Variants in HNRNPUL2 observed in about 807,000 individuals in gnomAD.
HNRNPUL2 encodes the protein heterogeneous nuclear ribonucleoprotein U like 2.
In HNRNPUL2, 27 loss-of-function variants were observed where a neutral mutation model predicts 102.2. The observed-to-expected ratio is 0.26, with a 90% CI of 0.19 to 0.36. The LOEUF (loss-of-function observed/expected upper bound fraction) is 0.36. Among genes scored for constraint, HNRNPUL2 ranks in the 10% least tolerant of loss-of-function variants. HNRNPUL2 has a pLI of 1.00. For synonymous variants in HNRNPUL2, 458 were observed against 387.2 expected, an observed-to-expected ratio of 1.18 and a Z score of -2.15; for missense variants, 936 against 981.1, an observed-to-expected ratio of 0.95 and a Z score of 0.61.
In HNRNPUL2 at chr11:62,726,725, G is replaced by A. The variant is rs2083752389; in HGVS notation, c.432C>T (p.Gly144=). The A allele has an allele frequency of 1.0e-5, 16 of 1,600,848 alleles. No individual in the cohort carries two copies. The highest frequency in any genetic ancestry group is 1.3e-5 in the Non-Finnish European group (15 of 1,179,644). ...ATAGSGGVNG[G]EEQGLGKREE... ...CCCTCTTGCCGAGGCCCTGCTCTTC[G>A]CCACCATTTACCCCGCCTGACCCGG... Residue 144 remains glycine (G), a synonymous_variant, in exon 1 of 14, where the codon GGC becomes GGT. Coordinates refer to ENST00000301785, the MANE Select transcript of HNRNPUL2 (RefSeq NM_001079559.3).
Position 62,723,623 on chromosome 11 carries a change from G to C in HNRNPUL2, c.855C>G (p.Tyr285Ter). 1 of 1,613,580 alleles carries C rather than the reference G, an allele frequency of 6.2e-7. No homozygotes were observed. The highest frequency in any genetic ancestry group is 8.5e-7 in the Non-Finnish European group (1 of 1,179,716). Residue 285 changes from tyrosine (Y) to a stop codon, truncating the protein, a stop_gained, in exon 4 of 14, where the codon TAC becomes TAG. Coordinates refer to ENST00000301785, the MANE Select transcript of HNRNPUL2 (RefSeq NM_001079559.3). LOFTEE classifies it high-confidence loss of function. ...PTLWSGARST[Y>*]GVTKGKVCFE... Reference sequence around the variant, plus strand: ...AGCAGACTTTTCCCTTTGTCACTCCGTAAGTACTCCTTGCCCCAGACCAAA... The same window carrying C: ...AGCAGACTTTTCCCTTTGTCACTCCCTAAGTACTCCTTGCCCCAGACCAAA...
In HNRNPUL2 at chr11:62,715,361, G is replaced by A. The variant is rs773998284; in HGVS notation, c.2182C>T (p.His728Tyr). 1.2e-6 allele frequency: 2 copies of A among 1,613,076 alleles called. No homozygotes were observed. The highest frequency in any genetic ancestry group is 3.3e-5 in the Admixed American group (2 of 59,892). ...TATCGGTCTCTGTCCTGGGGGTGGTGGTAGTAGTAACTCTGCCACTAGAAG... is the reference window on the plus strand; with the variant it reads ...TATCGGTCTCTGTCCTGGGGGTGGTAGTAGTAGTAACTCTGCCACTAGAAG... ...YNRDWQSYYY[H>Y]HPQDRDRYYR... Residue 728 changes from histidine to tyrosine, a missense_variant, in exon 14 of 14, where the codon CAC becomes TAC. By Grantham distance (83) the His-to-Tyr change is moderately conservative (BLOSUM62 2). This residue lies in a region of HNRNPUL2 where 609 missense variants were observed against 713.0 expected (regional missense o/e 0.85). Transcript: ENST00000301785.
At chr11:62,717,701 C>T (rs1192981489) in intron 10 of HNRNPUL2, among the ~76,000 whole-genome samples, 3 of 152,102 alleles carry the variant, frequency 2.0e-5, no homozygotes, top group Non-Finnish European at 2.9e-5. Flanking sequence ...ACTAAAAATA[C>T]AACAATTAGC....
In HNRNPUL2 at chr11:62,722,826, G is replaced by C. The variant is rs1270105510; in HGVS notation, c.969C>G (p.Ser323=). ...AAATAACTTTACCAAGCTGTGGACG[G>C]GAAAAATCAACAGACCACCCAACTC... The part of the protein sequence containing the change: ...LLRVGWSVDF[S]RPQLGEDEFS... The change falls in exon 5 of 14, where the codon TCC becomes TCG. Residue 323 remains serine, a synonymous_variant. Coordinates refer to ENST00000301785, the MANE Select transcript of HNRNPUL2 (RefSeq NM_001079559.3). 6.2e-7 allele frequency: 1 copy of C among 1,613,990 alleles called. No homozygotes were observed. The highest frequency in any genetic ancestry group is 1.1e-5 in the South Asian group (1 of 91,084).
At position 62,727,204 on chromosome 11, in the gene HNRNPUL2, C is replaced by A; in HGVS notation, c.-48G>T. 2 of 1,359,208 alleles carry A rather than the reference C, an allele frequency of 1.5e-6. No individual in the cohort carries two copies. The highest frequency in any genetic ancestry group is 1.9e-6 in the Non-Finnish European group (2 of 1,057,610). The allele number at this position is 1,359,208 out of a possible 1,614,324, so 84.2% of individuals were successfully genotyped here. On this transcript the variant is annotated 5_prime_UTR_variant, in exon 1 of 14. Transcript: ENST00000301785. ...TCCCGCCGCCTCCTCCCCTGCGAAC[C>A]GTCGACCGAGTCCGACCGCGCAGGC...
chr11:62,727,252 G>C lies in HNRNPUL2; in HGVS notation c.-96C>G. 7.7e-7 allele frequency: 1 copy of C among 1,293,892 alleles called. No individual in the cohort carries two copies. The highest frequency in any genetic ancestry group is 9.8e-7 in the Non-Finnish European group (1 of 1,022,878). The allele number at this position is 1,293,892 out of a possible 1,614,324, so 80.2% of individuals were successfully genotyped here. ...GGCGCCGCCGCCGCCGCCCGCCTCC[G>C]CCTCACGCGCCAGCACTGAGCCCGC... On this transcript the variant is annotated 5_prime_UTR_variant, in exon 1 of 14. Coordinates refer to ENST00000301785, the MANE Select transcript of HNRNPUL2 (RefSeq NM_001079559.3).
At position 62,715,357 on chromosome 11, in the gene HNRNPUL2, T is replaced by C. The variant is rs746364943; in HGVS notation, c.2186A>G (p.His729Arg). The C allele has an allele frequency of 1.2e-6, 2 of 1,612,334 alleles. No homozygotes were observed. Among genetic ancestry groups the C allele is most frequent in the African/African-American group, 1.3e-5 (1 of 74,438 alleles). The stretch of plus-strand genomic sequence containing the variant: ...GTAGTATCGGTCTCTGTCCTGGGGG[T>C]GGTGGTAGTAGTAACTCTGCCACTA... ...NRDWQSYYYH[H>R]PQDRDRYYRN... The change falls in exon 14 of 14, where the codon CAC becomes CGC. Residue 729 changes from histidine (H) to arginine (R), a missense_variant. This residue lies in a region of HNRNPUL2 where 609 missense variants were observed against 713.0 expected (regional missense o/e 0.85). Transcript: ENST00000301785.
At position 62,727,099 on chromosome 11, in the gene HNRNPUL2, G is replaced by T; in HGVS notation, c.58C>A (p.Leu20Met). The change falls in exon 1 of 14, where the codon CTG becomes ATG. Residue 20 changes from leucine (L) to methionine (M), a missense_variant. Physicochemically the swap from Leu to Met is conservative, Grantham distance 15. Coordinates refer to ENST00000301785, the MANE Select transcript of HNRNPUL2 (RefSeq NM_001079559.3). ...TCCACCTTGAGGCCGCGCGAGTCCAGGCCCCGCCGCTGCAGCTCCGACCGC... is the reference window on the plus strand; with the variant it reads ...TCCACCTTGAGGCCGCGCGAGTCCATGCCCCGCCGCTGCAGCTCCGACCGC... ...ELRSELQRRG[L>M]DSRGLKVDLA... is the part of the protein sequence containing the mutation. 6.9e-7 allele frequency: 1 copy of T among 1,448,088 alleles called. No homozygotes were observed. The allele number at this position is 1,448,088 out of a possible 1,614,324, so 89.7% of individuals were successfully genotyped here. A position where few individuals can be genotyped will look rare whatever the true frequency, so the allele number is the denominator to read the frequency against.
chr11:62,716,562 C>T (rs984060348), intron 11 of HNRNPUL2, among the ~76,000 whole-genome samples: 6 of 152,180 alleles, frequency 3.9e-5, no homozygotes, highest in South Asian at 2.1e-4. Flanking sequence ...ACAAAAAACA[C>T]TGAATAAAGC....
intron 6 of HNRNPUL2, 53 bp from the exon 7 acceptor site, chr11:62,722,433 T>C: frequency 1.3e-6 from 2 of 1,580,688 alleles, no homozygotes; most frequent in Non-Finnish European, 1.7e-6. Flanking sequence ...TTTGGGTTGA[T>C]TAAACTTTAC....
chr11:62,726,145 G>A (rs2083744109), intron 1 of HNRNPUL2, among the ~76,000 whole-genome samples: 2 of 152,110 alleles, frequency 1.3e-5, no homozygotes, highest in Non-Finnish European at 2.9e-5. Flanking sequence ...TGTGGCTCAA[G>A]CTCTGGTAAC....
Position 62,724,002 on chromosome 11 carries a change from A to C in HNRNPUL2, c.675-12T>G. On this transcript the variant is annotated splice_polypyrimidine_tract_variant and intron_variant, in intron 2 of 13. Transcript: ENST00000301785. ...GTGGAGACTTTGAGCTATATATGTA[A>C]GATAGAAAAGAAACACAATGTAAAC... The C allele has an allele frequency of 6.2e-7, 1 of 1,602,830 alleles. No individual in the cohort carries two copies. Among genetic ancestry groups the C allele is most frequent in the Non-Finnish European group, 8.5e-7 (1 of 1,170,210 alleles).
chr11:62,715,731 G>C, intron 12 of HNRNPUL2, 124 bp from the exon 13 acceptor site: 1 of 1,142,850 alleles, frequency 8.8e-7, no homozygotes, highest in Non-Finnish European at 1.3e-6. Context: ...TTTTCCCATA[G>C]TAAATCTTCC....
Sources: allele counts gnomAD v4.1 joint callset (sites outside exome capture counted in the v4.1 genomes callset), GRCh38; gene constraint gnomAD v4.1.1; regional missense constraint gnomAD v4.1.1; transcripts MANE v1.5; gene names NCBI Gene and HGNC (gene_info 2026-07-23, HGNC 2026-07-21).